The following ADAMTS2 variants were observed in gnomAD, a reference collection of about 807,000 sequenced individuals.
ADAMTS2 encodes the protein A disintegrin and metalloproteinase with thrombospondin motifs 2.
Under a neutral mutation model 123.0 loss-of-function variants are expected in ADAMTS2, and 50 were observed. That is an observed-to-expected ratio of 0.41 (90% confidence interval 0.32 to 0.51). The LOEUF is 0.51. ADAMTS2 is among the 20% of genes least tolerant of loss of function. The pLI, the probability that ADAMTS2 is intolerant of heterozygous loss-of-function variation, is 0.35. For synonymous variants in ADAMTS2, 678 were observed against 695.4 expected (o/e 0.98, Z 0.39); for missense variants, 1,494 against 1,705.2 (o/e 0.88, Z 2.18).
intron 2 of ADAMTS2, among the ~76,000 whole-genome samples, chr5:179,337,377 G>A (rs1046780597): frequency 6.6e-6 from 1 of 152,036 alleles, no homozygotes; most frequent in Admixed American, 6.5e-5. Flanking sequence ...ACACACTCAT[G>A]TGCACACACG....
At chr5:179,280,229 C>A (rs1718659797) in intron 2 of ADAMTS2, among the ~76,000 whole-genome samples, 1 of 152,186 alleles carries the variant, frequency 6.6e-6, no homozygotes, top group African/African-American at 2.4e-5. Context: ...CCAACAGGAC[C>A]AAGGAGCCCC....
Position 179,137,788 on chromosome 5 carries a change from C to G in ADAMTS2, c.1932G>C (p.Leu644=), listed in dbSNP as rs1407855197. Residue 644 remains leucine, a synonymous_variant, in exon 12 of 22, where the codon CTG becomes CTC. Transcript: ENST00000251582. ...GCTCACCATCCCGGTGCTCGTGGGG[C>G]AGCCAGTGGTGCTGGGCGTCGCCGT... ...FEHGDAQHHW[L]PHEHRDAKER... is the part of the protein sequence containing the mutation. 1 of 1,554,646 alleles carries G rather than the reference C, an allele frequency of 6.4e-7. No homozygotes were observed. Among genetic ancestry groups the G allele is most frequent in the South Asian group, 1.2e-5 (1 of 85,656 alleles).
In ADAMTS2 at chr5:179,115,934, G is replaced by A. The variant is rs1383115041; in HGVS notation, c.3179-1610C>T. ...AGACCACCAGCTCCAAACCCCTGAAGCTTCAGACTTGCTACAAGCCAAATC... is the reference window on the plus strand; with the variant it reads ...AGACCACCAGCTCCAAACCCCTGAAACTTCAGACTTGCTACAAGCCAAATC... On this transcript the variant is annotated intron_variant, in intron 21 of 21. Transcript: ENST00000251582. This position sits in a 1 kb window ranked among gnomAD's most constrained non-coding sequence, Gnocchi z 4.4. 1.3e-5 allele frequency among the ~76,000 whole-genome samples: 2 copies of A among 152,012 alleles called. No individual in the cohort carries two copies. The highest frequency in any genetic ancestry group is 3.9e-4 in the East Asian group (2 of 5,146).
intron 3 of ADAMTS2, among the ~76,000 whole-genome samples, chr5:179,215,291 A>C (rs1764955346): frequency 6.6e-6 from 1 of 152,176 alleles, no homozygotes. Context: ...TCTACTAAAA[A>C]TACAAAATTA....
At chr5:179,137,599 G>A (rs1157288073) in intron 12 of ADAMTS2, among the ~76,000 whole-genome samples, 170 bp downstream of exon 12, 1 of 152,224 alleles carries the variant, frequency 6.6e-6, no homozygotes, top group African/African-American at 2.4e-5. Context: ...GAACTTTAAT[G>A]CCCCACCCAG....
rs901255 is a variant in ADAMTS2 at position 179,272,588 on chromosome 5, G to A, written c.688+323C>T. On this transcript the variant is annotated intron_variant, in intron 3 of 21. Coordinates refer to ENST00000251582, the MANE Select transcript of ADAMTS2 (RefSeq NM_014244.5). The surrounding 1 kb of genome is among the most constrained non-coding windows in gnomAD (Gnocchi z 5.8). ...GCCGGGGGCCCCCGCCCCGCTCCAC[G>A]ACACTTGCTTGCCTTTAGGCAACAG... Among the ~76,000 whole-genome samples, 32 of 152,088 alleles carry A rather than the reference G, an allele frequency of 2.1e-4. No homozygotes were observed. Among genetic ancestry groups the A allele is most frequent in the African/African-American group, 7.0e-4 (29 of 41,426 alleles).
chr5:179,180,224 G>A lies in ADAMTS2; in HGVS notation c.975+848C>T, dbSNP rs922097269. Among the ~76,000 whole-genome samples, 1 of 152,186 alleles carries A rather than the reference G, an allele frequency of 6.6e-6. No homozygotes were observed. Among genetic ancestry groups the A allele is most frequent in the Non-Finnish European group, 1.5e-5 (1 of 68,028 alleles). Reference sequence around the variant, plus strand: ...GCTCCTCTCTTCCTCTGTCTGCACAGCATCCCGTGTTGCCATCCCAGGTCA... The same window carrying A: ...GCTCCTCTCTTCCTCTGTCTGCACAACATCCCGTGTTGCCATCCCAGGTCA... On this transcript the variant is annotated intron_variant, in intron 5 of 21. Coordinates refer to ENST00000251582, the MANE Select transcript of ADAMTS2 (RefSeq NM_014244.5). The surrounding 1 kb of genome is among the most constrained non-coding windows in gnomAD (Gnocchi z 4.6).
chr5:179,174,815 T>C (rs1010963016), intron 5 of ADAMTS2, among the ~76,000 whole-genome samples: 1 of 151,396 alleles, frequency 6.6e-6, no homozygotes, highest in Admixed American at 6.6e-5. Flanking sequence ...CTTCCTTGCT[T>C]GGGTTCCGCA....
At chr5:179,298,094 C>T (rs539651259) in intron 2 of ADAMTS2, among the ~76,000 whole-genome samples, 20 of 152,148 alleles carry the variant, frequency 1.3e-4, no homozygotes, top group African/African-American at 3.1e-4. Flanking sequence ...AGGGTCCCCT[C>T]GTGCCACAGT....
At chr5:179,322,184 T>G (rs1268272146) in intron 2 of ADAMTS2, among the ~76,000 whole-genome samples, 5 of 152,240 alleles carry the variant, frequency 3.3e-5, no homozygotes, top group African/African-American at 1.2e-4. Flanking sequence ...CGACAGTTTT[T>G]AACTTAAAGA....
intron 2 of ADAMTS2, among the ~76,000 whole-genome samples, chr5:179,286,344 G>C (rs1756020104): frequency 6.6e-6 from 1 of 151,920 alleles, no homozygotes; most frequent in African/African-American, 2.4e-5. Flanking sequence ...CTCCTTGGAG[G>C]TCTGCACACA....
chr5:179,224,866 C>CCTGGA (rs1765243095), intron 3 of ADAMTS2, among the ~76,000 whole-genome samples: 1 of 149,764 alleles, frequency 6.7e-6, no homozygotes, highest in Admixed American at 6.6e-5. Context: ...GGTCTGTCTG[C>CCTGGA]CACCTCGGCT....
intron 2 of ADAMTS2, among the ~76,000 whole-genome samples, chr5:179,321,692 T>C (rs1471510019): frequency 1.7e-5 from 2 of 120,280 alleles, no homozygotes; most frequent in Admixed American, 1.1e-4. Context: ...CCAACCCGAA[T>C]TCTACCCAGA....
intron 4 of ADAMTS2, among the ~76,000 whole-genome samples, chr5:179,201,544 G>A (rs1242618710): frequency 6.6e-6 from 1 of 150,608 alleles, no homozygotes; most frequent in East Asian, 2.0e-4. Context: ...CCAGCACTTT[G>A]GAAGGCCAAG....
rs755393352 is a variant in ADAMTS2, at chr5:179,114,348, T to C, written c.3179-24A>G. On this transcript the variant is annotated intron_variant, in intron 21 of 21. Coordinates refer to ENST00000251582, the MANE Select transcript of ADAMTS2 (RefSeq NM_014244.5). The stretch of plus-strand genomic sequence containing the variant: ...CTCTGAAAAAGAAAAGTGGGACAAA[T>C]AACCAAAGGACAAGATAAGGGGGAC... 1.9e-6 allele frequency: 3 copies of C among 1,605,066 alleles called. No homozygotes were observed. In the East Asian group the frequency reaches 6.7e-5, roughly 36 times the overall value.
Position 179,132,212 on chromosome 5 carries a change from T to C in ADAMTS2, c.2290+18A>G. ...GCCAGGTCCTGAGGACGTCAAGTTG[T>C]CCGGCTCTGAGACTCACCCAGATGG... On this transcript the variant is annotated intron_variant, in intron 15 of 21. Coordinates refer to ENST00000251582, the MANE Select transcript of ADAMTS2 (RefSeq NM_014244.5). This position sits in a 1 kb window ranked among gnomAD's most constrained non-coding sequence, Gnocchi z 6.1. 3 of 1,613,020 alleles carry C rather than the reference T, an allele frequency of 1.9e-6. No homozygotes were observed. Among genetic ancestry groups the C allele is most frequent in the South Asian group, 1.1e-5 (1 of 91,026 alleles).
chr5:179,336,335 T>G lies in ADAMTS2; in HGVS notation c.534+7432A>C, dbSNP rs149568838. On this transcript the variant is annotated intron_variant, in intron 2 of 21. Coordinates refer to ENST00000251582, the MANE Select transcript of ADAMTS2 (RefSeq NM_014244.5). ...GCTTTGCATCGGTGAGGCAAATACC[T>G]ATCCCTGGAGGAAGGACCGCTACTT... is the stretch of plus-strand genomic sequence containing the variant. Among the ~76,000 whole-genome samples, 515 of 152,354 alleles carry G rather than the reference T, an allele frequency of 3.4e-3. 4 individuals are homozygous for G. The highest frequency in any genetic ancestry group is 0.012 in the African/African-American group (485 of 41,578).
Position 179,228,761 on chromosome 5 carries a change from C to G in ADAMTS2, c.689-21046G>C, listed in dbSNP as rs549468854. ...ATCTGGGGAAGGCTCCTGTGGGGCT[C>G]CAGACCCGGGGCGGTGCCTTCACCA... On this transcript the variant is annotated intron_variant, in intron 3 of 21. Transcript: ENST00000251582. The surrounding 1 kb of genome is among the most constrained non-coding windows in gnomAD (Gnocchi z 5.2). 6.6e-6 allele frequency among the ~76,000 whole-genome samples: 1 copy of G among 152,358 alleles called. No individual in the cohort carries two copies. Among genetic ancestry groups the G allele is most frequent in the Admixed American group, 6.5e-5 (1 of 15,308 alleles).
At chr5:179,231,024 CG>C (rs1264953532) in intron 3 of ADAMTS2, among the ~76,000 whole-genome samples, 6 of 151,786 alleles carry the variant, frequency 4.0e-5, no homozygotes, top group East Asian at 1.9e-4. Context: ...AAAAAAAAGC[CG>C]GGGGGGCTAC....
Sources: gnomAD v4.1 joint callset for allele counts (sites outside exome capture counted in the v4.1 genomes callset) on GRCh38, gnomAD v4.1.1 for gene constraint, Gnocchi (gnomAD v3.1) non-coding constraint, MANE v1.5 for transcripts, NCBI Gene and HGNC (gene_info 2026-07-23, HGNC 2026-07-21) for gene names.